RALGPS2: variants seen among roughly 807,000 people sequenced by gnomAD.
The protein encoded by RALGPS2 is Ral GEF with PH domain and SH3 binding motif 2.
RALGPS2 carries 43 observed loss-of-function variants against 86.8 expected under a neutral mutation model. That is an observed-to-expected ratio of 0.50 (90% CI 0.39 to 0.64). RALGPS2 has a LOEUF of 0.64. RALGPS2 is among the 30% of genes least tolerant of loss of function. RALGPS2 has a pLI of 0.00. For missense variants in RALGPS2, 536 were observed against 694.6 expected (o/e 0.77, Z 2.57); for synonymous variants, 243 against 231.3 (o/e 1.05, Z -0.46).
chr1:178,731,530 A>T lies in RALGPS2; in HGVS notation c.-84+6111A>T, dbSNP rs948190970. ...ACTCCTGACCTCAAGTGATCCGCCT[A>T]CCTCGGCCTCTCAGAGTGCTGGGAT... is the stretch of plus-strand genomic sequence containing the variant. On this transcript the variant is annotated intron_variant, in intron 1 of 19. Transcript: ENST00000367635. 2.0e-5 allele frequency among the ~76,000 whole-genome samples: 3 copies of T among 151,618 alleles called. No homozygotes were observed. In the South Asian group the frequency reaches 6.2e-4, roughly 32 times the overall value.
At chr1:178,914,564 C>T (rs1660741319) in intron 19 of RALGPS2, among the ~76,000 whole-genome samples, 1 of 152,078 alleles carries the variant, frequency 6.6e-6, no homozygotes, top group Non-Finnish European at 1.5e-5. Context: ...TGCATCCTCT[C>T]AGAAGATAGG....
intron 4 of RALGPS2, among the ~76,000 whole-genome samples, chr1:178,792,941 T>C (rs1654027428): frequency 6.6e-6 from 1 of 152,206 alleles, no homozygotes; most frequent in African/African-American, 2.4e-5. Flanking sequence ...CTTTCCGTCT[T>C]TTCTTTTTTA....
chr1:178,878,351 G>T (rs1659085572), intron 9 of RALGPS2, among the ~76,000 whole-genome samples: 2 of 152,030 alleles, frequency 1.3e-5, no homozygotes, highest in Non-Finnish European at 2.9e-5. Context: ...TTATCTTAAA[G>T]CTAACTTTTG....
At position 178,879,048 on chromosome 1, in the gene RALGPS2, T is replaced by C. The variant is rs971622489; in HGVS notation, c.836+56T>C. The C allele has an allele frequency of 3.8e-6, 6 of 1,574,424 alleles. No individual in the cohort carries two copies. In the African/African-American group the frequency reaches 6.8e-5, roughly 18 times the overall value. On this transcript the variant is annotated intron_variant, in intron 10 of 19. Transcript: ENST00000367635. ...AACTTTGTCCTGTCCTCCACCTTTC[T>C]ATCCCTATGTATTTAAACATCTAAA...
intron 1 of RALGPS2, among the ~76,000 whole-genome samples, chr1:178,735,598 A>ATT (rs1250223641): frequency 5.2e-5 from 3 of 57,476 alleles, no homozygotes; most frequent in Admixed American, 1.4e-4. Context: ...TAATTTTTGT[A>ATT]TTCTTTTTTT....
At chr1:178,747,230 T>C in intron 1 of RALGPS2, 1 of 1,444,988 alleles carries the variant, frequency 6.9e-7, no homozygotes, top group Non-Finnish European at 9.7e-7. Context: ...ATGGTCAGGG[T>C]TCAAGGAGCC....
chr1:178,881,963 GCAGC>G (rs1659274045), intron 10 of RALGPS2, among the ~76,000 whole-genome samples: 1 of 152,124 alleles, frequency 6.6e-6, no homozygotes, highest in African/African-American at 2.4e-5. Flanking sequence ...ATCTACATAG[GCAGC>G]CAGTATAGAT....
chr1:178,741,324 A>T (rs1448003418), intron 1 of RALGPS2, among the ~76,000 whole-genome samples: 1 of 152,240 alleles, frequency 6.6e-6, no homozygotes, highest in Non-Finnish European at 1.5e-5. Flanking sequence ...AACTTGCCCA[A>T]GGTTATACAA....
intron 1 of RALGPS2, among the ~76,000 whole-genome samples, chr1:178,768,525 C>A (rs564059938): frequency 5.9e-5 from 9 of 152,296 alleles, no homozygotes; most frequent in African/African-American, 2.2e-4. Flanking sequence ...CAGTAGATGG[C>A]GCTTACGGGT....
At chr1:178,879,141 C>T in intron 10 of RALGPS2, 149 bp downstream of exon 10, 1 of 1,096,324 alleles carries the variant, frequency 9.1e-7, no homozygotes, top group South Asian at 2.2e-5. Context: ...ACATGTATTA[C>T]TTCTTAATCA....
chr1:178,733,318 T>C (rs762238743), intron 1 of RALGPS2, among the ~76,000 whole-genome samples: 3 of 152,330 alleles, frequency 2.0e-5, no homozygotes, highest in East Asian at 1.9e-4. Context: ...GCAATACTTA[T>C]ATCTGTCAGA....
At chr1:178,862,826 T>C (rs1025782842) in intron 8 of RALGPS2, among the ~76,000 whole-genome samples, 1 of 152,112 alleles carries the variant, frequency 6.6e-6, no homozygotes, top group African/African-American at 2.4e-5. Context: ...ACTAAGCAAA[T>C]TGGACTTTTT....
intron 7 of RALGPS2, among the ~76,000 whole-genome samples, chr1:178,828,927 C>T (rs1466730505): frequency 6.6e-6 from 1 of 152,030 alleles, no homozygotes; most frequent in African/African-American, 2.4e-5. Flanking sequence ...GAGTATGTGT[C>T]CAGAGAAATT....
intron 8 of RALGPS2, among the ~76,000 whole-genome samples, chr1:178,845,905 G>A (rs1166856529): frequency 6.6e-6 from 1 of 152,076 alleles, no homozygotes; most frequent in Non-Finnish European, 1.5e-5. Flanking sequence ...GCATATCATT[G>A]CCTTGTGCCT....
intron 8 of RALGPS2, among the ~76,000 whole-genome samples, chr1:178,859,868 C>G (rs1274282829): frequency 1.4e-5 from 2 of 145,770 alleles, no homozygotes; most frequent in African/African-American, 5.1e-5. Context: ...AGGCGCCCGC[C>G]ACCACGCCTG....
At chr1:178,749,075 C>G (rs1198482770) in intron 1 of RALGPS2, among the ~76,000 whole-genome samples, 1 of 152,184 alleles carries the variant, frequency 6.6e-6, no homozygotes, top group Non-Finnish European at 1.5e-5. Flanking sequence ...TGGGCTCAAG[C>G]TGTCCTCTCA....
intron 17 of RALGPS2, among the ~76,000 whole-genome samples, chr1:178,901,904 C>A (rs1253951808): frequency 6.6e-6 from 1 of 151,864 alleles, no homozygotes; most frequent in Non-Finnish European, 1.5e-5. Flanking sequence ...CTGGGAAGGT[C>A]TGGAAAGTAG....
intron 7 of RALGPS2, among the ~76,000 whole-genome samples, chr1:178,824,682 G>A (rs902676895): frequency 5.3e-5 from 8 of 152,054 alleles, no homozygotes; most frequent in East Asian, 1.9e-4. Context: ...GGTGATGGGC[G>A]CCTGTAGTCC....
At chr1:178,745,667 A>G (rs1362533051) in intron 1 of RALGPS2, among the ~76,000 whole-genome samples, 1 of 152,214 alleles carries the variant, frequency 6.6e-6, no homozygotes, top group Non-Finnish European at 1.5e-5. Context: ...CTTAAATTAC[A>G]AACTTTTGGC....
Sources: allele counts gnomAD v4.1 joint callset (sites outside exome capture counted in the v4.1 genomes callset), GRCh38; gene constraint gnomAD v4.1.1; transcripts MANE v1.5; gene names NCBI Gene and HGNC (gene_info 2026-07-23, HGNC 2026-07-21).